Variants in MTSS1 observed in about 807,000 individuals in gnomAD.
MTSS1 encodes protein MTSS 1.
In MTSS1, 18 loss-of-function variants were observed where a neutral mutation model predicts 79.0. The observed-to-expected ratio is 0.23, with a 90% CI of 0.16 to 0.34. The LOEUF (loss-of-function observed/expected upper bound fraction) is 0.34. Among genes scored for constraint, MTSS1 ranks in the 10% least tolerant of loss-of-function variants. MTSS1 has a pLI of 1.00. For synonymous variants in MTSS1, 341 were observed against 368.6 expected (o/e 0.93, Z 0.86); for missense variants, 815 against 986.2 (o/e 0.83, Z 2.33).
intron 3 of MTSS1, among the ~76,000 whole-genome samples, chr8:124,679,093 T>C (rs1825749020): frequency 6.6e-6 from 1 of 152,206 alleles, no homozygotes. Context: ...AATTTACGGT[T>C]TGGCCAAGAC....
At chr8:124,630,231 A>G (rs1815650262) in intron 3 of MTSS1, among the ~76,000 whole-genome samples, 1 of 152,218 alleles carries the variant, frequency 6.6e-6, no homozygotes, top group Non-Finnish European at 1.5e-5. Context: ...AAAGGGCCCC[A>G]GTCTAAGCCC....
intron 1 of MTSS1, among the ~76,000 whole-genome samples, chr8:124,711,089 A>G (rs1587934947): frequency 6.6e-6 from 1 of 152,348 alleles, no homozygotes; most frequent in South Asian, 2.1e-4. Context: ...CTTGACAAGC[A>G]TCACTGTCAT....
intron 3 of MTSS1, among the ~76,000 whole-genome samples, chr8:124,650,675 C>A (rs1819798579): frequency 6.6e-6 from 1 of 152,022 alleles, no homozygotes; most frequent in Non-Finnish European, 1.5e-5. Flanking sequence ...ACAAACAAAT[C>A]TTAGCAGGTG....
chr8:124,631,570 C>T (rs1458780137), intron 3 of MTSS1, among the ~76,000 whole-genome samples: 2 of 152,204 alleles, frequency 1.3e-5, no homozygotes, highest in African/African-American at 2.4e-5. Flanking sequence ...GCCACCCTGC[C>T]CCTCATCTCA....
chr8:124,575,323 C>G (rs1828756206), intron 6 of MTSS1, among the ~76,000 whole-genome samples: 1 of 152,188 alleles, frequency 6.6e-6, no homozygotes, highest in Non-Finnish European at 1.5e-5. Context: ...AACTCAATTT[C>G]CGTTATTTTT....
At chr8:124,695,825 T>A (rs1406176605) in intron 3 of MTSS1, among the ~76,000 whole-genome samples, 1 of 150,564 alleles carries the variant, frequency 6.6e-6, no homozygotes, top group African/African-American at 2.4e-5. Flanking sequence ...CAGGTATATT[T>A]TATTCCATGT....
chr8:124,681,769 C>T (rs1826168331), intron 3 of MTSS1, among the ~76,000 whole-genome samples: 1 of 151,992 alleles, frequency 6.6e-6, no homozygotes, highest in South Asian at 2.1e-4. Context: ...GCCTCAGTGA[C>T]AAGAGCAAAA....
At chr8:124,669,732 C>T (rs1283977813) in intron 3 of MTSS1, among the ~76,000 whole-genome samples, 1 of 152,144 alleles carries the variant, frequency 6.6e-6, no homozygotes, top group African/African-American at 2.4e-5. Flanking sequence ...CTAAAATCTG[C>T]TGGTTTCATT....
At chr8:124,670,937 C>T (rs1036531596) in intron 3 of MTSS1, among the ~76,000 whole-genome samples, 2 of 152,172 alleles carry the variant, frequency 1.3e-5, no homozygotes, top group African/African-American at 4.8e-5. Flanking sequence ...GAAAACACAG[C>T]TACCGCATTA....
At chr8:124,621,828 C>T (rs921148256) in intron 3 of MTSS1, among the ~76,000 whole-genome samples, 3 of 152,252 alleles carry the variant, frequency 2.0e-5, no homozygotes, top group Non-Finnish European at 4.4e-5. Context: ...GGATTACAGG[C>T]GTGATCCACC....
At position 124,553,441 on chromosome 8, in the gene MTSS1, C is replaced by T; in HGVS notation, c.1819G>A (p.Gly607Ser). ...ACGGGTGTCTTGATGGGGATGGGAC[C>T]AGCTCCAATGGTTCCCCGGCGGACA... is the stretch of plus-strand genomic sequence containing the variant. ...PSVRRGTIGAGPIPIKTPVIP... is the reference protein window; with the variant it reads ...PSVRRGTIGASPIPIKTPVIP... Residue 607 changes from glycine to serine, a missense_variant, in exon 14 of 14, where the codon GGT (glycine) becomes AGT (serine). This residue lies in a region of MTSS1 where 590 missense variants were observed against 620.8 expected (regional missense o/e 0.95). Transcript: ENST00000518547. This position sits in a 1 kb window ranked among gnomAD's most constrained non-coding sequence, Gnocchi z 6.0. 6.2e-7 allele frequency: 1 copy of T among 1,607,912 alleles called. No homozygotes were observed. Among genetic ancestry groups the T allele is most frequent in the South Asian group, 1.1e-5 (1 of 90,488 alleles).
intron 3 of MTSS1, among the ~76,000 whole-genome samples, chr8:124,624,741 C>T (rs150250484): frequency 5.8e-4 from 88 of 152,300 alleles, no homozygotes; most frequent in African/African-American, 2.1e-3. Flanking sequence ...TGAATGGAGA[C>T]CAACCACCAG....
At chr8:124,678,851 C>T (rs1039205502) in intron 3 of MTSS1, among the ~76,000 whole-genome samples, 3 of 152,202 alleles carry the variant, frequency 2.0e-5, no homozygotes, top group Admixed American at 6.5e-5. Flanking sequence ...CATCACGGAA[C>T]CTGCAGACCA....
intron 5 of MTSS1, 110 bp from the exon 6 acceptor site, chr8:124,585,271 C>T (rs746975038): frequency 2.6e-6 from 2 of 765,128 alleles, no homozygotes; most frequent in African/African-American, 1.7e-5. Context: ...TGTGACATGC[C>T]GTCAATGGCT....
At chr8:124,561,718 C>T (rs764143957) in intron 10 of MTSS1, among the ~76,000 whole-genome samples, 12 of 152,136 alleles carry the variant, frequency 7.9e-5, no homozygotes, top group Non-Finnish European at 1.5e-4. Context: ...CATTCCAGCC[C>T]TCCTCCCGAC....
At chr8:124,630,457 T>C (rs1402898869) in intron 3 of MTSS1, among the ~76,000 whole-genome samples, 1 of 152,210 alleles carries the variant, frequency 6.6e-6, no homozygotes, top group African/African-American at 2.4e-5. Context: ...AAAGGCCACT[T>C]GTGACTCAGG....
At chr8:124,669,864 C>T (rs1823797293) in intron 3 of MTSS1, among the ~76,000 whole-genome samples, 1 of 152,208 alleles carries the variant, frequency 6.6e-6, no homozygotes, top group Admixed American at 6.5e-5. Flanking sequence ...GCGCGTCTTG[C>T]TCCTGCTCTA....
At chr8:124,712,503 C>T (rs1831318391) in intron 1 of MTSS1, among the ~76,000 whole-genome samples, 1 of 152,172 alleles carries the variant, frequency 6.6e-6, no homozygotes, top group African/African-American at 2.4e-5. Flanking sequence ...GGATGACAGA[C>T]AGGGCCCATG....
At chr8:124,678,198 T>C (rs1464776130) in intron 3 of MTSS1, among the ~76,000 whole-genome samples, 1 of 152,182 alleles carries the variant, frequency 6.6e-6, no homozygotes, top group African/African-American at 2.4e-5. Flanking sequence ...TACATATTTA[T>C]GGCAAGGAAG....
Sources: gnomAD v4.1 joint callset for allele counts (sites outside exome capture counted in the v4.1 genomes callset) on GRCh38, gnomAD v4.1.1 for gene constraint, gnomAD v4.1.1 regional missense constraint, Gnocchi (gnomAD v3.1) non-coding constraint, MANE v1.5 for transcripts, NCBI Gene and HGNC (gene_info 2026-07-23, HGNC 2026-07-21) for gene names.